Variants in RAB33B observed in about 807,000 individuals in gnomAD.
The protein encoded by RAB33B is RAB33B, member RAS oncogene family.
RAB33B carries 6 observed loss-of-function variants against 15.0 expected under a neutral mutation model. The ratio of observed to expected loss-of-function variants is 0.40; its 90% CI spans 0.22 to 0.79. The LOEUF (loss-of-function observed/expected upper bound fraction) is 0.79. Ranked by LOEUF, RAB33B falls within the 30% of genes least tolerant of loss-of-function variation. RAB33B has a pLI of 0.37. For missense variants in RAB33B, 257 were observed against 296.4 expected (o/e 0.87, Z 0.98); for synonymous variants, 117 against 108.3 (o/e 1.08, Z -0.50).
the RAB33B span, among the ~76,000 whole-genome samples, chr4:139,443,665 A>G: frequency 2.0e-5 from 3 of 152,200 alleles, no homozygotes; most frequent in African/African-American, 7.2e-5. Context: ...TGTTAAAGTG[A>G]GGGCATTGAT....
the RAB33B span, among the ~76,000 whole-genome samples, chr4:139,446,752 A>G: frequency 6.6e-6 from 1 of 152,210 alleles, no homozygotes; most frequent in African/African-American, 2.4e-5. Context: ...CAAAGTGGCC[A>G]TGGTGGCAGG....
chr4:139,472,721 C>G lies in RAB33B; in HGVS notation c.285C>G (p.Phe95Leu). ...GGGACACAGCAGGACAAGAACGATT[C>G]AGAAAGAGCATGGTTCAGCACTACT... ...QLWDTAGQER[F>L]RKSMVQHYYR... The change falls in exon 2 of 2, where the codon TTC becomes TTG. Residue 95 changes from phenylalanine to leucine, a missense_variant. By Grantham distance (22) the Phe-to-Leu change is conservative. Coordinates refer to ENST00000305626, the MANE Select transcript of RAB33B (RefSeq NM_031296.3). 2 of 1,608,334 alleles carry G rather than the reference C, an allele frequency of 1.2e-6. No homozygotes were observed. Among genetic ancestry groups the G allele is most frequent in the Non-Finnish European group, 1.7e-6 (2 of 1,175,020 alleles).
rs776399831 is a variant in RAB33B at position 139,474,672 on chromosome 4, A to T, written c.*1546A>T. On this transcript the variant is annotated 3_prime_UTR_variant, in exon 2 of 2. Transcript: ENST00000305626. ...AGATATTGAAAAATGTCTAAACTTC[A>T]GTGATGGAAAGAATATTTCAAGAAG... is the stretch of plus-strand genomic sequence containing the variant. 2 of 152,686 alleles carry T rather than the reference A, an allele frequency of 1.3e-5. No individual in the cohort carries two copies. The highest frequency in any genetic ancestry group is 2.9e-5 in the Non-Finnish European group (2 of 68,038). The allele number at this position is 152,686 out of a possible 1,614,324, so 9.5% of individuals were successfully genotyped here.
In RAB33B at chr4:139,472,564, A is replaced by T. The variant is rs147542222; in HGVS notation, c.250-122A>T. 4.0e-4 allele frequency: 286 copies of T among 719,220 alleles called. 2 individuals carry two copies. The African/African-American group carries it at 4.5e-3, about 11-fold the overall frequency. 44.6% of individuals were successfully genotyped at this position (719,220 alleles called of 1,614,324 possible). ...AGGTAACACTGAAAAGACATTATGG[A>T]AGGGAGAAATCAAAATATTTTAAGT... On this transcript the variant is annotated intron_variant, in intron 1 of 1. Coordinates refer to ENST00000305626, the MANE Select transcript of RAB33B (RefSeq NM_031296.3).
chr4:139,461,020 G>A (rs980328562), intron 1 of RAB33B, among the ~76,000 whole-genome samples: 8 of 152,230 alleles, frequency 5.3e-5, no homozygotes, highest in African/African-American at 9.6e-5. Context: ...GGAATCAGTG[G>A]TCAAGATCTC....
the RAB33B span, among the ~76,000 whole-genome samples, chr4:139,446,244 A>C: frequency 1.3e-5 from 2 of 152,182 alleles, no homozygotes; most frequent in Non-Finnish European, 2.9e-5. Flanking sequence ...TGATCAGCTG[A>C]CAGAGGAAGA....
At chr4:139,460,580 C>G (rs963165939) in intron 1 of RAB33B, among the ~76,000 whole-genome samples, 7 of 152,144 alleles carry the variant, frequency 4.6e-5, no homozygotes, top group Admixed American at 3.3e-4. Context: ...AAAACAGAAT[C>G]AAATTGATAC....
At chr4:139,438,726 T>C in the RAB33B span, among the ~76,000 whole-genome samples, 1 of 152,198 alleles carries the variant, frequency 6.6e-6, no homozygotes. Flanking sequence ...TAATCATTGG[T>C]TTTTGTTAAT....
At chr4:139,462,687 A>C (rs1268057205) in intron 1 of RAB33B, among the ~76,000 whole-genome samples, 1 of 152,204 alleles carries the variant, frequency 6.6e-6, no homozygotes, top group Non-Finnish European at 1.5e-5. Context: ...TACAGAATCA[A>C]ATGGCAAATC....
At chr4:139,472,557 A>G in intron 1 of RAB33B, 129 bp from the exon 2 acceptor site, 1 of 684,502 alleles carries the variant, frequency 1.5e-6, no homozygotes, top group Non-Finnish European at 2.4e-6. Flanking sequence ...CTGAAAAGAC[A>G]TTATGGAAGG....
At chr4:139,464,387 T>TTTTG (rs1750235417) in intron 1 of RAB33B, among the ~76,000 whole-genome samples, 1 of 17,616 alleles carries the variant, frequency 5.7e-5, no homozygotes, top group Admixed American at 1.1e-3. Flanking sequence ...AGGAATACTG[T>TTTTG]TTTTTTTTTT....
At chr4:139,462,940 C>G (rs1385432879) in intron 1 of RAB33B, among the ~76,000 whole-genome samples, 1 of 152,100 alleles carries the variant, frequency 6.6e-6, no homozygotes, top group Non-Finnish European at 1.5e-5. Flanking sequence ...CTTTGGGAGG[C>G]CGATCAGTTG....
intron 1 of RAB33B, among the ~76,000 whole-genome samples, chr4:139,470,910 A>G (rs940017088): frequency 3.9e-5 from 6 of 152,110 alleles, no homozygotes; most frequent in Admixed American, 3.3e-4. Context: ...ATCTAAGATC[A>G]AGAGAGCATC....
At chr4:139,438,740 T>C in the RAB33B span, among the ~76,000 whole-genome samples, 1 of 152,232 alleles carries the variant, frequency 6.6e-6, no homozygotes, top group African/African-American at 2.4e-5. Context: ...TGTTAATGTA[T>C]TGGTCTCAAG....
At chr4:139,438,596 CTT>C in the RAB33B span, among the ~76,000 whole-genome samples, 795 of 148,780 alleles carry the variant, frequency 5.3e-3, 4 homozygotes, top group African/African-American at 0.018. Flanking sequence ...AATCATCTGC[CTT>C]TTTTTTTTGG....
At chr4:139,464,356 T>C (rs1750232949) in intron 1 of RAB33B, among the ~76,000 whole-genome samples, 2 of 151,146 alleles carry the variant, frequency 1.3e-5, no homozygotes, top group African/African-American at 4.9e-5. Flanking sequence ...GCATAAAATT[T>C]TGAACGGGAT....
chr4:139,445,878 G>A, the RAB33B span, among the ~76,000 whole-genome samples: 1 of 152,150 alleles, frequency 6.6e-6, no homozygotes, highest in Non-Finnish European at 1.5e-5. Context: ...TAGGATTTTG[G>A]AGCAAGGCCC....
intron 1 of RAB33B, among the ~76,000 whole-genome samples, chr4:139,464,278 AAAAAAT>A (rs1162369022): frequency 1.3e-5 from 2 of 152,186 alleles, no homozygotes; most frequent in African/African-American, 4.8e-5. Flanking sequence ...ACCCCGTCTC[AAAAAAT>A]AAAAATAAAA....
At chr4:139,454,029 A>C (rs190790812), upstream of RAB33B, 959 of 745,514 alleles carry the variant, frequency 1.3e-3, 8 homozygotes, top group African/African-American at 0.015. Flanking sequence ...TGTGCGGGCA[A>C]GGGCGGGGCG....
Sources: allele counts gnomAD v4.1 joint callset (sites outside exome capture counted in the v4.1 genomes callset), GRCh38; gene constraint gnomAD v4.1.1; transcripts MANE v1.5; gene names NCBI Gene and HGNC (gene_info 2026-07-23, HGNC 2026-07-21).